The following CSMD1 variants were observed in gnomAD, a reference collection of about 807,000 sequenced individuals.
CSMD1 encodes the protein CUB and Sushi multiple domains 1.
Under a neutral mutation model 417.5 loss-of-function variants are expected in CSMD1, and 213 were observed. The ratio of observed to expected loss-of-function variants is 0.51; its 90% CI spans 0.46 to 0.57. The LOEUF is 0.57. CSMD1 is among the 20% of genes least tolerant of loss of function. CSMD1 has a pLI of 0.00. For missense variants in CSMD1, 6,923 were observed against 4,529.7 expected (o/e 1.53, Z -15.17); for synonymous variants, 2,862 against 1,736.8 (o/e 1.65, Z -16.11).
chr8:4,197,515 G>A (rs781687383), intron 3 of CSMD1, among the ~76,000 whole-genome samples: 1 of 152,202 alleles, frequency 6.6e-6, no homozygotes, highest in Admixed American at 6.5e-5. Context: ...AAGTAAGACA[G>A]AGTTCCCTTG....
chr8:4,024,656 A>G (rs1376134463), intron 4 of CSMD1, among the ~76,000 whole-genome samples: 2 of 152,150 alleles, frequency 1.3e-5, no homozygotes, highest in Non-Finnish European at 2.9e-5. Context: ...GGGCCTCAGC[A>G]TATTGCCAAG....
intron 40 of CSMD1, among the ~76,000 whole-genome samples, chr8:3,144,277 T>A (rs1009037325): frequency 2.0e-4 from 29 of 144,582 alleles, no homozygotes; most frequent in African/African-American, 7.0e-4. Flanking sequence ...TCTGGTTTGG[T>A]ATGCCAATAG....
At chr8:3,268,435 C>T (rs1385580182) in intron 26 of CSMD1, among the ~76,000 whole-genome samples, 4 of 151,744 alleles carry the variant, frequency 2.6e-5, no homozygotes, top group South Asian at 4.2e-4. Flanking sequence ...ACTACAGGTG[C>T]CCGCCACCAC....
At chr8:4,721,405 G>C (rs932775529) in intron 1 of CSMD1, among the ~76,000 whole-genome samples, 6 of 152,098 alleles carry the variant, frequency 3.9e-5, no homozygotes, top group African/African-American at 1.4e-4. Context: ...AAAAAAGAAT[G>C]AATCTGACTA....
At chr8:4,458,089 A>C (rs543072711) in intron 2 of CSMD1, among the ~76,000 whole-genome samples, 1 of 152,046 alleles carries the variant, frequency 6.6e-6, no homozygotes, top group Non-Finnish European at 1.5e-5. Flanking sequence ...TTAACTCCTT[A>C]TATACTTAAT....
At chr8:3,483,710 C>G (rs1057424865) in intron 11 of CSMD1, among the ~76,000 whole-genome samples, 1 of 152,024 alleles carries the variant, frequency 6.6e-6, no homozygotes, top group African/African-American at 2.4e-5. Context: ...AGACCGATAT[C>G]TTTTATGAAT....
At chr8:3,917,166 G>T (rs900851055) in intron 5 of CSMD1, among the ~76,000 whole-genome samples, 2 of 152,164 alleles carry the variant, frequency 1.3e-5, no homozygotes, top group Non-Finnish European at 2.9e-5. Context: ...GAGGAATAAC[G>T]ATTACAAATA....
At chr8:4,839,130 A>C (rs956836788) in intron 1 of CSMD1, among the ~76,000 whole-genome samples, 2 of 152,168 alleles carry the variant, frequency 1.3e-5, no homozygotes, top group African/African-American at 4.8e-5. Flanking sequence ...CGACTTCTTC[A>C]AAAGCTGTGT....
At chr8:3,599,175 G>A (rs926727586) in intron 8 of CSMD1, among the ~76,000 whole-genome samples, 2 of 150,820 alleles carry the variant, frequency 1.3e-5, no homozygotes, top group African/African-American at 4.9e-5. Context: ...GTGTGTGTGT[G>A]TGTGTGAGAT....
At chr8:3,180,938 C>A (rs916582057) in intron 37 of CSMD1, among the ~76,000 whole-genome samples, 172 bp downstream of exon 37, 1 of 152,192 alleles carries the variant, frequency 6.6e-6, no homozygotes, top group Non-Finnish European at 1.5e-5. Flanking sequence ...GTCACCGCAA[C>A]TGGCTTATGT....
At chr8:3,575,795 T>G (rs1001024394) in intron 9 of CSMD1, among the ~76,000 whole-genome samples, 5 of 151,702 alleles carry the variant, frequency 3.3e-5, no homozygotes, top group African/African-American at 1.2e-4. Flanking sequence ...ATATACAACT[T>G]AGTCTGGAAT....
intron 3 of CSMD1, among the ~76,000 whole-genome samples, chr8:4,105,185 C>T (rs2130891223): frequency 6.6e-6 from 1 of 152,252 alleles, no homozygotes; most frequent in Admixed American, 6.5e-5. Flanking sequence ...GGATGCCATA[C>T]ATCCTAAGAT....
chr8:4,067,653 A>C (rs1297534904), intron 3 of CSMD1, among the ~76,000 whole-genome samples: 1 of 152,234 alleles, frequency 6.6e-6, no homozygotes, highest in Non-Finnish European at 1.5e-5. Flanking sequence ...ATTCAAAAAG[A>C]ATAAAATGCA....
chr8:4,939,615 T>C (rs1171127731), intron 1 of CSMD1, among the ~76,000 whole-genome samples: 1 of 151,640 alleles, frequency 6.6e-6, no homozygotes. Context: ...AAGCCGAGAG[T>C]AGAACGGCCA....
chr8:3,147,714 A>C (rs1818926977), intron 40 of CSMD1, among the ~76,000 whole-genome samples: 1 of 152,250 alleles, frequency 6.6e-6, no homozygotes, highest in African/African-American at 2.4e-5. Context: ...TTAGGGTCTA[A>C]GGCAATCAAG....
chr8:4,209,235 G>C (rs1256796173), intron 3 of CSMD1, among the ~76,000 whole-genome samples: 3 of 152,102 alleles, frequency 2.0e-5, no homozygotes, highest in Non-Finnish European at 4.4e-5. Context: ...CACTTGCCCA[G>C]ATTTCTAAAC....
intron 5 of CSMD1, among the ~76,000 whole-genome samples, chr8:3,829,455 C>T (rs775195776): frequency 1.2e-4 from 19 of 152,132 alleles, no homozygotes; most frequent in Admixed American, 5.9e-4. Context: ...TTCAGGTTAT[C>T]TGCAGAGCCC....
chr8:4,915,078 C>T (rs966685527), intron 1 of CSMD1, among the ~76,000 whole-genome samples: 1 of 152,106 alleles, frequency 6.6e-6, no homozygotes, highest in African/African-American at 2.4e-5. Context: ...CACTCGGTTT[C>T]TCAGATGTAA....
At chr8:4,280,077 G>A (rs1456470757) in intron 3 of CSMD1, among the ~76,000 whole-genome samples, 3 of 152,214 alleles carry the variant, frequency 2.0e-5, no homozygotes, top group Non-Finnish European at 4.4e-5. Flanking sequence ...CTAACGCGTT[G>A]AAAATAAATA....
Sources: allele counts gnomAD v4.1 joint callset (sites outside exome capture counted in the v4.1 genomes callset), GRCh38; gene constraint gnomAD v4.1.1; transcripts MANE v1.5; gene names NCBI Gene and HGNC (gene_info 2026-07-23, HGNC 2026-07-21).